Variants in TMEM132C observed in about 807,000 individuals in gnomAD.
The protein encoded by TMEM132C is transmembrane protein 132C, also known as protein phosphatase 1, regulatory subunit 152.
Under a neutral mutation model 61.4 loss-of-function variants are expected in TMEM132C, and 29 were observed. The ratio of observed to expected loss-of-function variants is 0.47; its 90% CI spans 0.35 to 0.64. The LOEUF is 0.64. Among genes scored for constraint, TMEM132C ranks in the 30% least tolerant of loss-of-function variants. The pLI, the probability that TMEM132C is intolerant of heterozygous loss-of-function variation, is 0.00. For missense variants in TMEM132C, 1,408 were observed against 1,476.9 expected, an observed-to-expected ratio of 0.95 and a Z score of 0.76; for synonymous variants, 656 against 633.1, an observed-to-expected ratio of 1.04 and a Z score of -0.54.
rs1491274456 is a variant in TMEM132C, at chr12:128,340,944, CTT to C, written c.85+73459_85+73460del. Among the ~76,000 whole-genome samples the C allele has an allele frequency of 1.5e-3, 158 of 106,908 alleles. No homozygotes were observed. The Middle Eastern group carries it at 0.018, about 12-fold the overall frequency. The allele number at this position is 106,908 out of a possible 152,430, so 70.1% of individuals were successfully genotyped here. On this transcript the variant is annotated intron_variant, in intron 1 of 8. Coordinates refer to ENST00000435159, the MANE Select transcript of TMEM132C (RefSeq NM_001136103.3). Reference sequence around the variant, plus strand: ...TCTCTCTCTCTCTCTCTCTCTCTCTCTTTCTTTCTTTCTTTCTTTCTTTTTTG... The same window carrying C: ...TCTCTCTCTCTCTCTCTCTCTCTCTCTCTTTCTTTCTTTCTTTCTTTTTTG...
chr12:128,590,652 T>C (rs1414301694), intron 3 of TMEM132C, among the ~76,000 whole-genome samples: 2 of 152,138 alleles, frequency 1.3e-5, no homozygotes, highest in Non-Finnish European at 2.9e-5. Flanking sequence ...GAGAATGGTG[T>C]TGAGTCACAT....
chr12:128,534,083 G>A (rs2136138767), intron 2 of TMEM132C, among the ~76,000 whole-genome samples: 1 of 152,294 alleles, frequency 6.6e-6, no homozygotes, highest in Non-Finnish European at 1.5e-5. Flanking sequence ...TAGATGGTTT[G>A]CAGGGTGGAA....
intron 4 of TMEM132C, among the ~76,000 whole-genome samples, chr12:128,668,871 C>A (rs991351431): frequency 5.9e-5 from 9 of 152,260 alleles, no homozygotes; most frequent in African/African-American, 2.2e-4. Context: ...TTCATGGCTC[C>A]CTCTTATAAG....
At chr12:128,591,456 C>T (rs111925798) in intron 3 of TMEM132C, among the ~76,000 whole-genome samples, 49 of 152,260 alleles carry the variant, frequency 3.2e-4, no homozygotes, top group African/African-American at 1.1e-3. Context: ...AGTAACATCC[C>T]AGCGTGTGGA....
intron 1 of TMEM132C, among the ~76,000 whole-genome samples, chr12:128,305,528 T>C (rs1191320615): frequency 2.1e-5 from 3 of 141,022 alleles, no homozygotes; most frequent in Non-Finnish European, 4.6e-5. Context: ...CTTTGTGTTG[T>C]GGTTTTGTGG....
chr12:128,646,838 G>C (rs1252009360), intron 4 of TMEM132C, among the ~76,000 whole-genome samples: 1 of 152,160 alleles, frequency 6.6e-6, no homozygotes, highest in African/African-American at 2.4e-5. Flanking sequence ...TTGGATGTGA[G>C]TGTGTTTAGC....
chr12:128,432,194 A>G (rs888874100), intron 2 of TMEM132C, among the ~76,000 whole-genome samples: 1 of 152,240 alleles, frequency 6.6e-6, no homozygotes, highest in Non-Finnish European at 1.5e-5. Context: ...TGCTGTTTAC[A>G]TACCTGCTAA....
At chr12:128,666,231 ACACACACATTCACAGG>A (rs1954472747) in intron 4 of TMEM132C, among the ~76,000 whole-genome samples, 1 of 150,936 alleles carries the variant, frequency 6.6e-6, no homozygotes, top group Non-Finnish European at 1.5e-5. Flanking sequence ...ACACACAGGC[ACACACACATTCACAGG>A]CACACACATT....
At chr12:128,603,996 G>C (rs1442112749) in intron 3 of TMEM132C, among the ~76,000 whole-genome samples, 1 of 152,160 alleles carries the variant, frequency 6.6e-6, no homozygotes, top group Non-Finnish European at 1.5e-5. Flanking sequence ...GAAGTGTAGA[G>C]AGAAGAGAGT....
At chr12:128,586,008 G>A (rs1329310316) in intron 3 of TMEM132C, among the ~76,000 whole-genome samples, 1 of 152,146 alleles carries the variant, frequency 6.6e-6, no homozygotes, top group Non-Finnish European at 1.5e-5. Flanking sequence ...GCTTCATGCT[G>A]AGGACTGTAC....
At chr12:128,511,392 T>A (rs1052168633) in intron 2 of TMEM132C, among the ~76,000 whole-genome samples, 1 of 152,180 alleles carries the variant, frequency 6.6e-6, no homozygotes, top group Non-Finnish European at 1.5e-5. Context: ...TTTAGGGAGT[T>A]CCCAAACCAT....
chr12:128,542,803 A>G (rs985559655), intron 2 of TMEM132C, among the ~76,000 whole-genome samples: 7 of 148,288 alleles, frequency 4.7e-5, no homozygotes, highest in Admixed American at 1.4e-4. Context: ...GGAGGTTGCA[A>G]TGAGCCAAGA....
At chr12:128,379,564 G>T (rs910251594) in intron 1 of TMEM132C, among the ~76,000 whole-genome samples, 10 of 152,186 alleles carry the variant, frequency 6.6e-5, no homozygotes, top group Non-Finnish European at 1.3e-4. Context: ...TCTTCAGGTG[G>T]CTCCAGGTGT....
intron 1 of TMEM132C, among the ~76,000 whole-genome samples, chr12:128,356,446 A>G (rs1305520028): frequency 6.6e-6 from 1 of 152,252 alleles, no homozygotes; most frequent in East Asian, 1.9e-4. Flanking sequence ...CCACCTGCAG[A>G]AACATAATAT....
Position 128,267,360 on chromosome 12 carries a change from G to T in TMEM132C, c.-43G>T, listed in dbSNP as rs1042707701. The T allele has an allele frequency of 9.9e-7, 1 of 1,014,382 alleles. No homozygotes were observed. The highest frequency in any genetic ancestry group is 1.7e-5 in the African/African-American group (1 of 57,476). The allele number at this position is 1,014,382 out of a possible 1,614,324, so 62.8% of individuals were successfully genotyped here. ...GGCGGGGGCCGCGGGCGGGCGCTGC[G>T]CTTCGGGCTGGCGGCGGGCTGCGTG... is the stretch of plus-strand genomic sequence containing the variant. On this transcript the variant is annotated 5_prime_UTR_variant, in exon 1 of 9. Coordinates refer to ENST00000435159, the MANE Select transcript of TMEM132C (RefSeq NM_001136103.3).
At chr12:128,686,087 GTT>G (rs1491330852) in intron 5 of TMEM132C, among the ~76,000 whole-genome samples, 1 of 138,860 alleles carries the variant, frequency 7.2e-6, no homozygotes, top group African/African-American at 3.3e-5. Flanking sequence ...GCGCATGTGT[GTT>G]GTGTGCGCAT....
chr12:128,614,508 A>ATATTT (rs1876734546), intron 3 of TMEM132C, among the ~76,000 whole-genome samples: 1 of 152,204 alleles, frequency 6.6e-6, no homozygotes, highest in Non-Finnish European at 1.5e-5. Flanking sequence ...TTTGACCACC[A>ATATTT]GCTGTCTTAG....
At chr12:128,620,494 G>C (rs1953953922) in intron 4 of TMEM132C, among the ~76,000 whole-genome samples, 1 of 152,116 alleles carries the variant, frequency 6.6e-6, no homozygotes, top group Non-Finnish European at 1.5e-5. Context: ...CTGATTTCTA[G>C]CTCTGTTAGC....
rs1422710624 is a variant in TMEM132C at position 128,630,963 on chromosome 12, C to T, written c.1305+14628C>T. ...ACGAGAATCGCTTGAACCTGGGAGG[C>T]GGAGGCTGCAATGAGCCGAGATCAC... On this transcript the variant is annotated intron_variant, in intron 4 of 8. Coordinates refer to ENST00000435159, the MANE Select transcript of TMEM132C (RefSeq NM_001136103.3). This position sits in a 1 kb window ranked among gnomAD's most constrained non-coding sequence, Gnocchi z 4.3. Among the ~76,000 whole-genome samples, 2 of 152,042 alleles carry T rather than the reference C, an allele frequency of 1.3e-5. No individual in the cohort carries two copies. Among genetic ancestry groups the T allele is most frequent in the Admixed American group, 6.6e-5 (1 of 15,246 alleles).
Sources: gnomAD v4.1 joint callset for allele counts (sites outside exome capture counted in the v4.1 genomes callset) on GRCh38, gnomAD v4.1.1 for gene constraint, Gnocchi (gnomAD v3.1) non-coding constraint, MANE v1.5 for transcripts, NCBI Gene and HGNC (gene_info 2026-07-23, HGNC 2026-07-21) for gene names.